The following ADAM2 variants were observed in gnomAD, a reference collection of about 807,000 sequenced individuals.
ADAM2 encodes the protein disintegrin and metalloproteinase domain-containing protein 2.
In ADAM2, 101 loss-of-function variants were observed where a neutral mutation model predicts 99.3. The ratio of observed to expected loss-of-function variants is 1.02; its 90% CI spans 0.87 to 1.20. ADAM2 has a LOEUF of 1.20. ADAM2 is among the 50% of genes most tolerant of loss of function. The pLI, the probability that ADAM2 is intolerant of heterozygous loss-of-function variation, is 0.00. For missense variants in ADAM2, 948 were observed against 878.7 expected (o/e 1.08, Z -1.00); for synonymous variants, 323 against 287.6 (o/e 1.12, Z -1.25).
At chr8:39,793,830 C>T (rs1033630926) in intron 7 of ADAM2, among the ~76,000 whole-genome samples, 1 of 152,092 alleles carries the variant, frequency 6.6e-6, no homozygotes, top group African/African-American at 2.4e-5. Flanking sequence ...TGCCATGTCA[C>T]ATTTCCTCAG....
rs371959932 is a variant in ADAM2, at chr8:39,824,814, C to T, written c.267+5G>A. 7.4e-6 allele frequency: 11 copies of T among 1,496,050 alleles called. No individual in the cohort carries two copies. The African/African-American group carries it at 1.3e-4, about 17-fold the overall frequency. 92.7% of individuals were successfully genotyped at this position (1,496,050 alleles called of 1,614,324 possible). A position where few individuals can be genotyped will look rare whatever the true frequency, so the allele number is the denominator to read the frequency against. ...CAAAAATAAAAGAGATCATAAAAAA[C>T]ATACCTGAAAATCTTGGTCAAGTGG... is the stretch of plus-strand genomic sequence containing the variant. On this transcript the variant is annotated splice_donor_5th_base_variant and intron_variant, in intron 4 of 20. Transcript: ENST00000265708.
At chr8:39,820,315 C>A (rs1805124319) in intron 6 of ADAM2, among the ~76,000 whole-genome samples, 1 of 152,104 alleles carries the variant, frequency 6.6e-6, no homozygotes, top group Admixed American at 6.6e-5. Context: ...AGCCACAGAG[C>A]TGAGATTACT....
At chr8:39,758,572 A>T (rs1025396666) in intron 15 of ADAM2, among the ~76,000 whole-genome samples, 4 of 151,538 alleles carry the variant, frequency 2.6e-5, no homozygotes, top group African/African-American at 4.8e-5. Flanking sequence ...AATAAAAAAA[A>T]TTTAAAAAAA....
chr8:39,755,003 C>A (rs144924356), intron 16 of ADAM2, among the ~76,000 whole-genome samples: 140 of 152,240 alleles, frequency 9.2e-4, no homozygotes, highest in African/African-American at 3.1e-3. Context: ...GTTATTACAT[C>A]TCAGATATGC....
At chr8:39,833,816 A>G in intron 3 of ADAM2, 128 bp downstream of exon 3, 1 of 664,674 alleles carries the variant, frequency 1.5e-6, no homozygotes, top group Non-Finnish European at 2.7e-6. Context: ...AAATCATATG[A>G]TAAGGGATGA....
At chr8:39,789,431 C>T (rs1803608395) in intron 7 of ADAM2, among the ~76,000 whole-genome samples, 1 of 151,632 alleles carries the variant, frequency 6.6e-6, no homozygotes, top group Non-Finnish European at 1.5e-5. Flanking sequence ...TTTTTAAGTG[C>T]CCATGGATCA....
intron 14 of ADAM2, among the ~76,000 whole-genome samples, chr8:39,764,975 A>G (rs1427300139): frequency 6.6e-6 from 1 of 152,036 alleles, no homozygotes; most frequent in Non-Finnish European, 1.5e-5. Flanking sequence ...GTAAGCCAAG[A>G]TCACACCACT....
Position 39,749,485 on chromosome 8 carries a change from G to A in ADAM2, c.1876-35C>T, listed in dbSNP as rs372708518. On this transcript the variant is annotated intron_variant, in intron 17 of 20. Transcript: ENST00000265708. ...GGAGAAATATCACCTTATAAGATAAGCAACTAGATTTATATATGTTCAAGT... is the reference window on the plus strand; with the variant it reads ...GGAGAAATATCACCTTATAAGATAAACAACTAGATTTATATATGTTCAAGT... 1.9e-6 allele frequency: 3 copies of A among 1,588,852 alleles called. No homozygotes were observed. The African/African-American group carries it at 4.1e-5, about 22-fold the overall frequency.
intron 12 of ADAM2, among the ~76,000 whole-genome samples, 189 bp from the exon 13 acceptor site, chr8:39,767,440 C>G (rs1280602368): frequency 6.6e-6 from 1 of 152,156 alleles, no homozygotes; most frequent in Non-Finnish European, 1.5e-5. Context: ...AATTGCCAGA[C>G]CATGTGTTGC....
chr8:39,801,304 C>T (rs999785954), intron 7 of ADAM2, among the ~76,000 whole-genome samples: 8 of 152,094 alleles, frequency 5.3e-5, no homozygotes, highest in African/African-American at 1.7e-4. Flanking sequence ...GCTGGGGGTT[C>T]ACTTCAGACC....
intron 10 of ADAM2, 29 bp downstream of exon 10, chr8:39,786,945 C>T (rs759860771): frequency 7.5e-6 from 11 of 1,459,338 alleles, no homozygotes; most frequent in Non-Finnish European, 9.4e-6. Flanking sequence ...ATTTATGTAG[C>T]ATACTTTCTA....
chr8:39,822,830 G>A (rs12677911), intron 4 of ADAM2, among the ~76,000 whole-genome samples: 38,505 of 151,720 alleles, frequency 0.25, 5,065 homozygotes, highest in Middle Eastern at 0.42. Context: ...GTGCAGTGGC[G>A]TGATCTCGGC....
chr8:39,761,727 C>A (rs1207286099), intron 14 of ADAM2, among the ~76,000 whole-genome samples: 1 of 152,176 alleles, frequency 6.6e-6, no homozygotes, highest in Non-Finnish European at 1.5e-5. Context: ...ACAATTGATT[C>A]ATTCACCCTC....
rs115305586 is a variant in ADAM2 at position 39,791,665 on chromosome 8, G to A, written c.571-2925C>T. Among the ~76,000 whole-genome samples the A allele has an allele frequency of 4.4e-3, 670 of 152,112 alleles. 9 individuals are homozygous for A. The highest frequency in any genetic ancestry group is 0.015 in the African/African-American group (632 of 41,516). On this transcript the variant is annotated intron_variant, in intron 7 of 20. Coordinates refer to ENST00000265708, the MANE Select transcript of ADAM2 (RefSeq NM_001464.5). ...GATACTTTTGGCTTTCCAGTTCAAG[G>A]TCCTTTTGTGTTGTAGCAAAGCATA...
intron 7 of ADAM2, among the ~76,000 whole-genome samples, chr8:39,807,333 C>T (rs1400476735): frequency 2.0e-5 from 3 of 152,098 alleles, no homozygotes; most frequent in South Asian, 2.1e-4. Flanking sequence ...GACTCACCCA[C>T]GACAGATTGA....
At chr8:39,796,624 T>A (rs1295447777) in intron 7 of ADAM2, among the ~76,000 whole-genome samples, 1 of 152,182 alleles carries the variant, frequency 6.6e-6, no homozygotes, top group Non-Finnish European at 1.5e-5. Context: ...CATACTGTCT[T>A]CCACAATAAC....
intron 7 of ADAM2, among the ~76,000 whole-genome samples, chr8:39,803,562 C>T (rs779642753): frequency 6.6e-6 from 1 of 152,130 alleles, no homozygotes; most frequent in Non-Finnish European, 1.5e-5. Flanking sequence ...TTAAAAAAGG[C>T]GACTTTTCTG....
intron 14 of ADAM2, among the ~76,000 whole-genome samples, chr8:39,765,173 G>A (rs1256338701): frequency 6.6e-6 from 1 of 152,094 alleles, no homozygotes; most frequent in Admixed American, 6.5e-5. Context: ...GAAAGCTAAG[G>A]CTGTCTTATA....
intron 10 of ADAM2, among the ~76,000 whole-genome samples, chr8:39,782,507 G>A (rs1183783544): frequency 2.6e-5 from 4 of 152,058 alleles, no homozygotes; most frequent in African/African-American, 9.7e-5. Context: ...GAAATCATGT[G>A]GGCCTAGATG....
Sources: allele counts gnomAD v4.1 joint callset (sites outside exome capture counted in the v4.1 genomes callset), GRCh38; gene constraint gnomAD v4.1.1; transcripts MANE v1.5; gene names NCBI Gene and HGNC (gene_info 2026-07-23, HGNC 2026-07-21).